Variants in RORA observed in about 807,000 individuals in gnomAD.
The protein encoded by RORA is RAR related orphan receptor A.
Under a neutral mutation model 69.5 loss-of-function variants are expected in RORA, and 7 were observed. That is an observed-to-expected ratio of 0.10 (90% CI 0.06 to 0.19). RORA has a LOEUF of 0.19. Among genes scored for constraint, RORA ranks in the 10% least tolerant of loss-of-function variants. The pLI, the probability that RORA is intolerant of heterozygous loss-of-function variation, is 1.00. For synonymous variants in RORA, 261 were observed against 240.8 expected (o/e 1.08, Z -0.78); for missense variants, 457 against 663.0 (o/e 0.69, Z 3.41).
At chr15:60,503,745 C>G in intron 6 of RORA, 78 bp from the exon 7 acceptor site, 1 of 1,555,176 alleles carries the variant, frequency 6.4e-7, no homozygotes, top group South Asian at 1.2e-5. Context: ...GTTATGAAAG[C>G]AAAGCATGCC....
intron 1 of RORA, among the ~76,000 whole-genome samples, chr15:60,812,928 A>G (rs559621292): frequency 8.1e-4 from 123 of 152,312 alleles, no homozygotes; most frequent in African/African-American, 2.9e-3. Context: ...TCTGAACTAT[A>G]GTGACACCAC....
intron 1 of RORA, among the ~76,000 whole-genome samples, chr15:61,120,720 C>T (rs866735481): frequency 7.1e-6 from 1 of 140,018 alleles, no homozygotes; most frequent in African/African-American, 2.7e-5. Flanking sequence ...AAAAAAAAAA[C>T]ATACCCTACT....
At chr15:61,007,417 T>G (rs1894942141) in intron 1 of RORA, among the ~76,000 whole-genome samples, 1 of 152,046 alleles carries the variant, frequency 6.6e-6, no homozygotes, top group South Asian at 2.1e-4. Context: ...AAAAACTAAT[T>G]GGAAATAAAG....
chr15:60,866,279 C>T (rs1339357189), intron 1 of RORA, among the ~76,000 whole-genome samples: 1 of 152,132 alleles, frequency 6.6e-6, no homozygotes, highest in Non-Finnish European at 1.5e-5. Context: ...TGTTTTAGCT[C>T]CCACATATTA....
At chr15:60,890,549 G>A (rs182263917) in intron 1 of RORA, among the ~76,000 whole-genome samples, 13 of 152,342 alleles carry the variant, frequency 8.5e-5, no homozygotes, top group African/African-American at 3.1e-4. Flanking sequence ...CAGGGCATCA[G>A]CCACCATCGC....
At chr15:60,770,643 A>AT (rs1384806213) in intron 1 of RORA, among the ~76,000 whole-genome samples, 1 of 152,138 alleles carries the variant, frequency 6.6e-6, no homozygotes, top group African/African-American at 2.4e-5. Context: ...ACCCAGTCTC[A>AT]TTTTGTTGCC....
chr15:61,198,463 C>T (rs1361620423), intron 1 of RORA, among the ~76,000 whole-genome samples: 3 of 152,092 alleles, frequency 2.0e-5, no homozygotes, highest in Non-Finnish European at 2.9e-5. Flanking sequence ...CAATACCAGC[C>T]GCAGAATTGT....
chr15:60,833,155 C>T (rs932450820), intron 1 of RORA, among the ~76,000 whole-genome samples: 5 of 151,970 alleles, frequency 3.3e-5, no homozygotes, highest in Admixed American at 6.6e-5. Context: ...CCGCCCGCCT[C>T]GGCCTCTCAA....
chr15:60,496,877 T>C lies in RORA; in HGVS notation c.*578A>G, dbSNP rs2065180456. The C allele has an allele frequency of 6.6e-6, 1 of 152,242 alleles. No individual in the cohort carries two copies. 9.4% of individuals were successfully genotyped at this position (152,242 alleles called of 1,614,324 possible). ...CTTAAAACAATATATAAACAATATC[T>C]CTTTTAGCTATATATAGTCTTCATG... On this transcript the variant is annotated 3_prime_UTR_variant, in exon 11 of 11. Coordinates refer to ENST00000335670, the MANE Select transcript of RORA (RefSeq NM_134261.3). This position sits in a 1 kb window ranked among gnomAD's most constrained non-coding sequence, Gnocchi z 4.5.
At chr15:60,619,252 C>T (rs1420190932) in intron 2 of RORA, among the ~76,000 whole-genome samples, 2 of 152,202 alleles carry the variant, frequency 1.3e-5, no homozygotes, top group Non-Finnish European at 2.9e-5. Flanking sequence ...AATTGACACA[C>T]ATTCTTCAAT....
At chr15:60,853,567 G>C (rs772019054) in intron 1 of RORA, among the ~76,000 whole-genome samples, 12 of 152,170 alleles carry the variant, frequency 7.9e-5, no homozygotes, top group Non-Finnish European at 1.8e-4. Flanking sequence ...GGAGAAAATA[G>C]CGATTAAAAC....
intron 2 of RORA, among the ~76,000 whole-genome samples, chr15:60,675,888 C>A (rs980541360): frequency 6.6e-6 from 1 of 152,102 alleles, no homozygotes; most frequent in African/African-American, 2.4e-5. Flanking sequence ...GTTGAACAAT[C>A]TCTCCGTGAG....
At chr15:61,000,021 C>T (rs1894697047) in intron 1 of RORA, among the ~76,000 whole-genome samples, 1 of 152,072 alleles carries the variant, frequency 6.6e-6, no homozygotes, top group Non-Finnish European at 1.5e-5. Context: ...TGCACAGTAA[C>T]ATGAAACGTT....
At chr15:61,163,812 AG>A (rs941766304) in intron 1 of RORA, among the ~76,000 whole-genome samples, 2 of 152,204 alleles carry the variant, frequency 1.3e-5, no homozygotes, top group African/African-American at 4.8e-5. Context: ...TTACACACAA[AG>A]GACCACACTG....
Position 61,083,332 on chromosome 15 carries a change from C to T in RORA, c.166+145721G>A, listed in dbSNP as rs542757286. On this transcript the variant is annotated intron_variant, in intron 1 of 10. Coordinates refer to ENST00000335670, the MANE Select transcript of RORA (RefSeq NM_134261.3). ...AAAGTGCAAGATTAAGATTACAAAA[C>T]GCCTAGTTCCGGTAGGGATCAGAGA... Among the ~76,000 whole-genome samples, 6 of 152,272 alleles carry T rather than the reference C, an allele frequency of 3.9e-5. No individual in the cohort carries two copies. In the South Asian group the frequency reaches 6.2e-4, roughly 16 times the overall value.
intron 1 of RORA, among the ~76,000 whole-genome samples, chr15:60,827,461 G>A: frequency 6.6e-6 from 1 of 152,220 alleles, no homozygotes; most frequent in Non-Finnish European, 1.5e-5. Context: ...ACAAAGTTAT[G>A]AAGAGTGGTT....
intron 1 of RORA, among the ~76,000 whole-genome samples, chr15:61,062,526 G>A (rs185826200): frequency 1.4e-3 from 218 of 152,260 alleles, no homozygotes; most frequent in Non-Finnish European, 2.5e-3. Flanking sequence ...CAGGAGGAGC[G>A]AGCCAAGTAG....
rs199752865 is a variant in RORA at position 61,167,482 on chromosome 15, A to ATTTTTTTT, written c.166+61563_166+61570dup. ...AAAGGATGCAAATAATTTGACCAGG[A>ATTTTTTTT]TTTTTTTTTTTTTTTTTTTTTTTTT... is the stretch of plus-strand genomic sequence containing the variant. On this transcript the variant is annotated intron_variant, in intron 1 of 10. Coordinates refer to ENST00000335670, the MANE Select transcript of RORA (RefSeq NM_134261.3). Among the ~76,000 whole-genome samples, 19 of 133,678 alleles carry ATTTTTTTT rather than the reference A, an allele frequency of 1.4e-4. 1 individual carries two copies. The highest frequency in any genetic ancestry group is 3.1e-4 in the African/African-American group (11 of 34,946). 87.7% of individuals were successfully genotyped at this position (133,678 alleles called of 152,430 possible). A position where few individuals can be genotyped will look rare whatever the true frequency, so the allele number is the denominator to read the frequency against.
At chr15:60,694,115 T>C (rs1046720015) in intron 1 of RORA, among the ~76,000 whole-genome samples, 1 of 152,096 alleles carries the variant, frequency 6.6e-6, no homozygotes, top group Non-Finnish European at 1.5e-5. Context: ...TTTCCTCATC[T>C]CCCTCTGTGA....
Sources: gnomAD v4.1 joint callset for allele counts (sites outside exome capture counted in the v4.1 genomes callset) on GRCh38, gnomAD v4.1.1 for gene constraint, Gnocchi (gnomAD v3.1) non-coding constraint, MANE v1.5 for transcripts, NCBI Gene and HGNC (gene_info 2026-07-23, HGNC 2026-07-21) for gene names.